Variants in AGMO observed in about 807,000 individuals in gnomAD.
AGMO encodes the protein alkylglycerol monooxygenase.
Under a neutral mutation model 60.2 loss-of-function variants are expected in AGMO, and 75 were observed. That is an observed-to-expected ratio of 1.25 (90% CI 1.03 to 1.51). The LOEUF (loss-of-function observed/expected upper bound fraction) is 1.51. Among genes scored for constraint, AGMO ranks in the 40% most tolerant of loss-of-function variants. The pLI is 0.00. For synonymous variants in AGMO, 261 were observed against 177.1 expected (o/e 1.47, Z -3.76); for missense variants, 763 against 525.5 (o/e 1.45, Z -4.42).
chr7:15,278,484 G>A (rs777335499), intron 12 of AGMO, among the ~76,000 whole-genome samples: 2 of 152,026 alleles, frequency 1.3e-5, no homozygotes, highest in Non-Finnish European at 2.9e-5. Flanking sequence ...CCAGAATTCA[G>A]GTGCTGGCTG....
the AGMO span, among the ~76,000 whole-genome samples, chr7:15,149,151 C>A: frequency 3.3e-5 from 5 of 152,068 alleles, no homozygotes; most frequent in Non-Finnish European, 5.9e-5. Flanking sequence ...CCTTTGCACA[C>A]TTTTTTAAAT....
the AGMO span, among the ~76,000 whole-genome samples, chr7:15,123,310 G>C: frequency 2.0e-5 from 3 of 151,962 alleles, no homozygotes; most frequent in Non-Finnish European, 4.4e-5. Flanking sequence ...TCCTAAGATA[G>C]TATACAGTTT....
chr7:15,271,602 T>C (rs1355983761), intron 12 of AGMO, among the ~76,000 whole-genome samples: 5 of 152,180 alleles, frequency 3.3e-5, no homozygotes. Flanking sequence ...TACAACTATT[T>C]CATGAAGGAA....
intron 12 of AGMO, among the ~76,000 whole-genome samples, chr7:15,354,293 A>T (rs996786806): frequency 7.7e-5 from 7 of 90,594 alleles, no homozygotes; most frequent in Non-Finnish European, 1.3e-4. Flanking sequence ...GAATGAGATA[A>T]ATATATATAC....
At chr7:15,332,695 C>A (rs911788329) in intron 12 of AGMO, among the ~76,000 whole-genome samples, 1 of 151,884 alleles carries the variant, frequency 6.6e-6, no homozygotes, top group Admixed American at 6.6e-5. Context: ...GCGAGAGACC[C>A]ATGAATGTAC....
intron 3 of AGMO, among the ~76,000 whole-genome samples, chr7:15,499,164 C>T (rs750147102): frequency 3.3e-5 from 5 of 151,824 alleles, no homozygotes; most frequent in Non-Finnish European, 5.9e-5. Context: ...CACATTTCTG[C>T]CTGTCTTTTC....
chr7:15,266,381 T>C (rs964042135), intron 12 of AGMO, among the ~76,000 whole-genome samples: 9 of 151,418 alleles, frequency 5.9e-5, no homozygotes, highest in Non-Finnish European at 1.3e-4. Flanking sequence ...GATATGCATA[T>C]TTTACTGCAA....
intron 12 of AGMO, among the ~76,000 whole-genome samples, chr7:15,342,624 C>CA (rs1781891078): frequency 6.6e-6 from 1 of 151,694 alleles, no homozygotes; most frequent in South Asian, 2.1e-4. Context: ...TCTTGACTAA[C>CA]AGATTTCGGC....
At chr7:15,372,272 G>C (rs867095390) in intron 10 of AGMO, among the ~76,000 whole-genome samples, 4 of 152,010 alleles carry the variant, frequency 2.6e-5, no homozygotes, top group Middle Eastern at 3.4e-3. Context: ...CCAACACGGT[G>C]AAATCCCGTC....
Position 15,204,128 on chromosome 7 carries a change from A to G in AGMO, c.1264-2769T>C, listed in dbSNP as rs11982564. Among the ~76,000 whole-genome samples, 1,345 of 152,224 alleles carry G rather than the reference A, an allele frequency of 8.8e-3. 22 individuals are homozygous for G. Among genetic ancestry groups the G allele is most frequent in the African/African-American group, 0.03 (1,238 of 41,554 alleles). ...ATTTCAGTAGAAGAAAACAGAGTTA[A>G]TTTTACACTTTAGAATATATGTGTT... On this transcript the variant is annotated intron_variant, in intron 12 of 12. Coordinates refer to ENST00000342526, the MANE Select transcript of AGMO (RefSeq NM_001004320.2).
At chr7:15,376,062 T>C (rs930635621) in intron 10 of AGMO, among the ~76,000 whole-genome samples, 1 of 152,182 alleles carries the variant, frequency 6.6e-6, no homozygotes, top group Non-Finnish European at 1.5e-5. Flanking sequence ...ATCACTTTTC[T>C]ACATTTCTGT....
chr7:15,323,892 A>G (rs999236509), intron 12 of AGMO, among the ~76,000 whole-genome samples: 3 of 152,198 alleles, frequency 2.0e-5, no homozygotes, highest in South Asian at 2.1e-4. Flanking sequence ...AACTGCAAGC[A>G]AGGGTTTGAA....
At chr7:15,538,189 G>A (rs538506278) in intron 3 of AGMO, among the ~76,000 whole-genome samples, 3 of 152,046 alleles carry the variant, frequency 2.0e-5, no homozygotes, top group African/African-American at 7.2e-5. Flanking sequence ...AATACAAGGT[G>A]GAGTTTACCC....
At position 15,377,426 on chromosome 7, in the gene AGMO, T is replaced by TA. The variant is rs1433599045; in HGVS notation, c.1074+8019dup. Among the ~76,000 whole-genome samples the TA allele has an allele frequency of 3.3e-5, 5 of 151,798 alleles. No individual in the cohort carries two copies. The East Asian group carries it at 7.7e-4, about 23-fold the overall frequency. The stretch of plus-strand genomic sequence containing the variant: ...GAGAAATCTTGAGAAAACCATGCTG[T>TA]AAGTCACATATTTTAATGTACACAG... On this transcript the variant is annotated intron_variant, in intron 10 of 12. Coordinates refer to ENST00000342526, the MANE Select transcript of AGMO (RefSeq NM_001004320.2).
At chr7:15,536,067 T>TA (rs1387679433) in intron 3 of AGMO, among the ~76,000 whole-genome samples, 4 of 151,960 alleles carry the variant, frequency 2.6e-5, no homozygotes, top group Admixed American at 1.3e-4. Context: ...CCTAACAATA[T>TA]AAAAAACATG....
At chr7:15,473,156 G>C (rs746701359) in intron 3 of AGMO, among the ~76,000 whole-genome samples, 1 of 151,918 alleles carries the variant, frequency 6.6e-6, no homozygotes, top group African/African-American at 2.4e-5. Context: ...AGAAGAAATT[G>C]ATAAATTCCT....
At chr7:15,488,724 C>G (rs370140988) in intron 3 of AGMO, among the ~76,000 whole-genome samples, 1 of 151,818 alleles carries the variant, frequency 6.6e-6, no homozygotes, top group South Asian at 2.1e-4. Flanking sequence ...CAAACTATTC[C>G]TAAGATAACT....
intron 3 of AGMO, among the ~76,000 whole-genome samples, chr7:15,542,334 T>C (rs1308704532): frequency 6.6e-6 from 1 of 152,200 alleles, no homozygotes; most frequent in African/African-American, 2.4e-5. Context: ...CCTTTTTTAC[T>C]GGATTCAGTT....
At chr7:15,375,609 C>T (rs1157023158) in intron 10 of AGMO, among the ~76,000 whole-genome samples, 1 of 152,016 alleles carries the variant, frequency 6.6e-6, no homozygotes, top group African/African-American at 2.4e-5. Context: ...CTTGGCCAGA[C>T]AGGTCTCAAA....
Sources: allele counts gnomAD v4.1 joint callset (sites outside exome capture counted in the v4.1 genomes callset), GRCh38; gene constraint gnomAD v4.1.1; transcripts MANE v1.5; gene names NCBI Gene and HGNC (gene_info 2026-07-23, HGNC 2026-07-21).